The following TOP1MT variants were observed in gnomAD, a reference collection of about 807,000 sequenced individuals.
TOP1MT encodes DNA topoisomerase I, mitochondrial.
TOP1MT carries 80 observed loss-of-function variants against 73.9 expected under a neutral mutation model. The ratio of observed to expected loss-of-function variants is 1.08; its 90% CI spans 0.90 to 1.30. The LOEUF (loss-of-function observed/expected upper bound fraction) is 1.30, where lower values mean the gene tolerates loss of function less well. Among genes scored for constraint, TOP1MT ranks in the 50% most tolerant of loss-of-function variants. TOP1MT has a pLI of 0.00. For synonymous variants in TOP1MT, 338 were observed against 326.4 expected (o/e 1.04, Z -0.38); for missense variants, 815 against 808.0 (o/e 1.01, Z -0.10).
intron 7 of TOP1MT, among the ~76,000 whole-genome samples, chr8:143,323,722 CCA>C (rs551724041): frequency 0.056 from 5,177 of 92,776 alleles, 710 homozygotes; most frequent in African/African-American, 0.15. Context: ...CACATGCACG[CCA>C]CACACACATG....
intron 2 of TOP1MT, among the ~76,000 whole-genome samples, chr8:143,340,423 T>G (rs1169154673): frequency 6.6e-6 from 1 of 152,068 alleles, no homozygotes; most frequent in Non-Finnish European, 1.5e-5. Context: ...GCCTTCGGCC[T>G]TCTCCCACCC....
intron 1 of TOP1MT, among the ~76,000 whole-genome samples, chr8:143,333,217 C>T (rs1809616): frequency 0.075 from 11,455 of 152,050 alleles, 1,466 homozygotes; most frequent in African/African-American, 0.26. Context: ...GAGGCCGAGG[C>T]GGGCGGATCA....
At chr8:143,359,541 G>A (rs1181886309), upstream of TOP1MT, 1 of 534,454 alleles carries the variant, frequency 1.9e-6, no homozygotes, top group Non-Finnish European at 2.4e-6. Context: ...ATGAGGAGGG[G>A]TGGGGCAGCC....
intron 12 of TOP1MT, among the ~76,000 whole-genome samples, chr8:143,313,783 A>G (rs1241372309): frequency 6.6e-6 from 1 of 151,138 alleles, no homozygotes; most frequent in Admixed American, 6.6e-5. Flanking sequence ...TGAAACCTGG[A>G]GGCAGAGATT....
In TOP1MT at chr8:143,318,087, C is replaced by A. The variant is rs766677858; in HGVS notation, c.1147-1G>T. The A allele has an allele frequency of 1.9e-6, 3 of 1,613,956 alleles. No homozygotes were observed. Among genetic ancestry groups the A allele is most frequent in the Non-Finnish European group, 2.5e-6 (3 of 1,179,886 alleles). On this transcript the variant is annotated splice_acceptor_variant, in intron 8 of 13. Transcript: ENST00000329245. LOFTEE classifies it high-confidence loss of function. ...TAAAGAGCTGTAAGTTCTTGTACACCTGAAGGAGAAAGAAGGAATTTCAGA... is the reference window on the plus strand; with the variant it reads ...TAAAGAGCTGTAAGTTCTTGTACACATGAAGGAGAAAGAAGGAATTTCAGA...
chr8:143,333,630 A>T (rs1208004965), intron 1 of TOP1MT, among the ~76,000 whole-genome samples: 1 of 152,212 alleles, frequency 6.6e-6, no homozygotes, highest in East Asian at 1.9e-4. Flanking sequence ...CTCAAGCCCA[A>T]CTGAGGGCTG....
chr8:143,347,402 G>A (rs570159984), upstream of TOP1MT, among the ~76,000 whole-genome samples: 22 of 152,260 alleles, frequency 1.4e-4, no homozygotes, highest in South Asian at 1.9e-3. Flanking sequence ...TGATCCGCCC[G>A]CCTTGGCCTC....
intron 3 of TOP1MT, chr8:143,327,296 C>T (rs1315580140): frequency 1.3e-5 from 2 of 152,518 alleles, no homozygotes; most frequent in Non-Finnish European, 2.9e-5. Context: ...GAACAGGAGA[C>T]ACTGACCTGA....
Position 143,343,752 on chromosome 8 carries a change from C to T in TOP1MT, c.-38-466G>A, listed in dbSNP as rs533422800. 7 of 155,570 alleles carry T rather than the reference C, an allele frequency of 4.5e-5. No individual in the cohort carries two copies. In the South Asian group the frequency reaches 9.6e-4, roughly 21 times the overall value. The allele number at this position is 155,570 out of a possible 1,614,324, so 9.6% of individuals were successfully genotyped here. ...TGAACAGAGAGAGGAACAGACACTT[C>T]GCTTAAGTGGGAATGGCACGGGGCC... On this transcript the variant is annotated intron_variant, in intron 1 of 5. Coordinates refer to the TOP1MT transcript ENST00000518007.
Position 143,326,289 on chromosome 8 carries a change from G to A in TOP1MT, c.416C>T (p.Thr139Met), listed in dbSNP as rs764616681. 51 of 1,613,890 alleles carry A rather than the reference G, an allele frequency of 3.2e-5. No individual in the cohort carries two copies. Among genetic ancestry groups the A allele is most frequent in the South Asian group, 7.7e-5 (7 of 91,084 alleles). The change falls in exon 4 of 14, where the codon ACG (threonine) becomes ATG (methionine). Residue 139 changes from threonine to methionine, a missense_variant. By Grantham distance (81) the Thr-to-Met change is moderately conservative. Coordinates refer to ENST00000329245, the MANE Select transcript of TOP1MT (RefSeq NM_052963.3). ...GTCCACAAAGTATCTGTGGATCTCC[G>A]TGAAGTCACACTTGTCCAGGCTCTT... is the stretch of plus-strand genomic sequence containing the variant. Reference protein sequence around the residue: ...VIKSLDKCDFTEIHRYFVDKA... With the variant: ...VIKSLDKCDFMEIHRYFVDKA...
At position 143,331,283 on chromosome 8, in the gene TOP1MT, C is replaced by A; in HGVS notation, c.179G>T (p.Gly60Val). The A allele has an allele frequency of 3.1e-6, 5 of 1,613,052 alleles. No homozygotes were observed. The highest frequency in any genetic ancestry group is 4.2e-6 in the Non-Finnish European group (5 of 1,179,240). Residue 60 changes from glycine (G) to valine (V), a missense_variant, in exon 2 of 14, where the codon GGC (glycine) becomes GTC (valine). Gly to Val is a moderately radical substitution (Grantham distance 109, BLOSUM62 -3). Transcript: ENST00000329245. ...GVKWRQLEHK[G>V]PYFAPPYEPL... ...CTCGTATGGGGGTGCGAAGTACGGGCCCTTGTGCTCCAGCTGTCTCCACTT... is the reference window on the plus strand; with the variant it reads ...CTCGTATGGGGGTGCGAAGTACGGGACCTTGTGCTCCAGCTGTCTCCACTT...
intron 2 of TOP1MT, among the ~76,000 whole-genome samples, chr8:143,342,740 TCGCTC>T (rs1263439193): frequency 5.2e-5 from 5 of 96,190 alleles, no homozygotes; most frequent in Non-Finnish European, 9.7e-5. Flanking sequence ...AGACAGAGTC[TCGCTC>T]TGTTATTATT....
Position 143,321,405 on chromosome 8 carries a change from T to C in TOP1MT, c.961-19A>G, listed in dbSNP as rs368250479. The C allele has an allele frequency of 3.8e-6, 6 of 1,562,334 alleles. No individual in the cohort carries two copies. The African/African-American group carries it at 6.8e-5, about 18-fold the overall frequency. On this transcript the variant is annotated intron_variant, in intron 7 of 13. Coordinates refer to ENST00000329245, the MANE Select transcript of TOP1MT (RefSeq NM_052963.3). ...GTGCCAGCTAGTTGGTGGGGAATGG[T>C]CAAAGTGGGTGGTGCGTGCACACGC...
chr8:143,310,004 C>A (rs781122581), intron 13 of TOP1MT, 64 bp downstream of exon 13: 1 of 1,598,310 alleles, frequency 6.3e-7, no homozygotes, highest in South Asian at 1.1e-5. Context: ...TGAACAGAGG[C>A]CTCCTGGAAA....
chr8:143,319,541 CAG>C (rs1266703488), intron 8 of TOP1MT, among the ~76,000 whole-genome samples: 2 of 152,074 alleles, frequency 1.3e-5, no homozygotes, highest in African/African-American at 2.4e-5. Context: ...CCCACCCAGA[CAG>C]GGGACACCGT....
chr8:143,343,750 T>C (rs146089845), intron 1 of TOP1MT: 1 of 155,828 alleles, frequency 6.4e-6, no homozygotes, highest in African/African-American at 2.4e-5. Context: ...GAACAGACAC[T>C]TCGCTTAAGT....
At chr8:143,329,679 G>A (rs750132309) in intron 2 of TOP1MT, among the ~76,000 whole-genome samples, 10 of 151,900 alleles carry the variant, frequency 6.6e-5, no homozygotes, top group Middle Eastern at 3.4e-3. Context: ...ATCTGGGAGC[G>A]GGTCGTGAGA....
chr8:143,318,078 C>A lies in TOP1MT; in HGVS notation c.1155G>T (p.Lys385Asn). ...TGTTCTCCATAAAGAGCTGTAAGTTCTTGTACACCTGAAGGAGAAAGAAGG... is the reference window on the plus strand; with the variant it reads ...TGTTCTCCATAAAGAGCTGTAAGTTATTGTACACCTGAAGGAGAAAGAAGG... Reference protein sequence around the residue: ...NRVPVEKPVYKNLQLFMENKD... With the variant: ...NRVPVEKPVYNNLQLFMENKD... Residue 385 changes from lysine (K) to asparagine (N), a missense_variant, in exon 9 of 14, where the codon AAG becomes AAT. Physicochemically the swap from Lys to Asn is moderately conservative, Grantham distance 94. Coordinates refer to ENST00000329245, the MANE Select transcript of TOP1MT (RefSeq NM_052963.3). 1 of 1,614,034 alleles carries A rather than the reference C, an allele frequency of 6.2e-7. No homozygotes were observed. The highest frequency in any genetic ancestry group is 8.5e-7 in the Non-Finnish European group (1 of 1,179,932).
In TOP1MT at chr8:143,321,402, T is replaced by G; in HGVS notation, c.961-16A>C. 1 of 1,563,542 alleles carries G rather than the reference T, an allele frequency of 6.4e-7. No homozygotes were observed. Among genetic ancestry groups the G allele is most frequent in the Non-Finnish European group, 8.7e-7 (1 of 1,148,736 alleles). ...TCAGTGCCAGCTAGTTGGTGGGGAA[T>G]GGTCAAAGTGGGTGGTGCGTGCACA... On this transcript the variant is annotated splice_polypyrimidine_tract_variant and intron_variant, in intron 7 of 13. Transcript: ENST00000329245.
Sources: gnomAD v4.1 joint callset for allele counts (sites outside exome capture counted in the v4.1 genomes callset) on GRCh38, gnomAD v4.1.1 for gene constraint, MANE v1.5 for transcripts, NCBI Gene and HGNC (gene_info 2026-07-23, HGNC 2026-07-21) for gene names.